Variants in LINGO1 observed in about 807,000 individuals in gnomAD.
LINGO1 encodes the protein leucine rich repeat and Ig domain containing 1, also known as leucine-rich repeat and immunoglobulin-like domain-containing nogo receptor-interacting protein 1.
A neutral mutation model predicts 37.3 loss-of-function variants in LINGO1; 11 were observed. The observed-to-expected ratio is 0.29, with a 90% CI of 0.19 to 0.49. The LOEUF is 0.49. LINGO1 is among the 20% of genes least tolerant of loss of function. The pLI is 0.99. For synonymous variants in LINGO1, 387 were observed against 403.0 expected, an observed-to-expected ratio of 0.96 and a Z score of 0.48; for missense variants, 585 against 878.2, an observed-to-expected ratio of 0.67 and a Z score of 4.22.
chr15:77,665,049 C>T (rs2075100697), intron 3 of LINGO1, among the ~76,000 whole-genome samples: 1 of 152,196 alleles, frequency 6.6e-6, no homozygotes, highest in Non-Finnish European at 1.5e-5. Flanking sequence ...TATACAGGTC[C>T]CTGCCTGTGC....
intron 3 of LINGO1, among the ~76,000 whole-genome samples, chr15:77,650,157 A>G (rs1490655807): frequency 6.6e-6 from 1 of 152,248 alleles, no homozygotes; most frequent in Non-Finnish European, 1.5e-5. Context: ...TTGCCAATTA[A>G]CAGGCACTGG....
At chr15:77,735,447 A>C (rs1480893514) in intron 1 of LINGO1, among the ~76,000 whole-genome samples, 5 of 152,166 alleles carry the variant, frequency 3.3e-5, no homozygotes, top group Non-Finnish European at 7.4e-5. Context: ...TCCTGAGGCC[A>C]CGTGTGGCTT....
At chr15:77,741,025 C>T (rs2076258751) in intron 1 of LINGO1, among the ~76,000 whole-genome samples, 1 of 152,186 alleles carries the variant, frequency 6.6e-6, no homozygotes, top group African/African-American at 2.4e-5. Context: ...CCCAAAAGAG[C>T]TCACACACCA....
Position 77,628,029 on chromosome 15 carries a change from C to G in LINGO1, c.6+4281G>C, listed in dbSNP as rs531503403. On this transcript the variant is annotated intron_variant, in intron 1 of 1. Transcript: ENST00000355300. ...CATGAAATACCATCTTACATTCATT[C>G]AATCAGTAAAAATCAAGGCCCCTGA... 5.3e-5 allele frequency among the ~76,000 whole-genome samples: 8 copies of G among 152,316 alleles called. No individual in the cohort carries two copies. In the South Asian group the frequency reaches 1.2e-3, roughly 24 times the overall value.
At chr15:77,710,861 G>A (rs1472876439) in intron 2 of LINGO1, among the ~76,000 whole-genome samples, 2 of 152,246 alleles carry the variant, frequency 1.3e-5, no homozygotes, top group Non-Finnish European at 2.9e-5. Context: ...AGCTTTGATG[G>A]TGCCAGGCCA....
At chr15:77,644,893 A>G (rs889392226) in intron 3 of LINGO1, among the ~76,000 whole-genome samples, 6 of 152,104 alleles carry the variant, frequency 3.9e-5, no homozygotes, top group Admixed American at 1.3e-4. Context: ...GGGATAAACA[A>G]TGTGGCTCAG....
intron 2 of LINGO1, among the ~76,000 whole-genome samples, chr15:77,729,490 G>A (rs1339754117): frequency 6.6e-6 from 1 of 152,214 alleles, no homozygotes; most frequent in East Asian, 1.9e-4. Flanking sequence ...CTGGGAGCTG[G>A]TGGAGGGAGA....
intron 1 of LINGO1, among the ~76,000 whole-genome samples, chr15:77,742,537 C>T (rs192854349): frequency 6.6e-6 from 1 of 152,216 alleles, no homozygotes; most frequent in Admixed American, 6.5e-5. Flanking sequence ...TAATTTGAAC[C>T]CAGATCTGGG....
At chr15:77,700,443 A>G (rs1224699317), upstream of LINGO1, among the ~76,000 whole-genome samples, 1 of 152,098 alleles carries the variant, frequency 6.6e-6, no homozygotes, top group Non-Finnish European at 1.5e-5. Flanking sequence ...TCTTACTACT[A>G]CCACTACTAA....
At chr15:77,782,544 C>T (rs2076730427) in intron 1 of LINGO1, among the ~76,000 whole-genome samples, 1 of 152,194 alleles carries the variant, frequency 6.6e-6, no homozygotes. Flanking sequence ...GCTTGGCTTA[C>T]TGGCTCCTCA....
chr15:77,776,496 G>GGGAGGAAA (rs1953552461), intron 1 of LINGO1, among the ~76,000 whole-genome samples: 3 of 85,582 alleles, frequency 3.5e-5, no homozygotes, highest in African/African-American at 1.6e-4. Context: ...AAAGCAGGAA[G>GGGAGGAAA]GCAGGAAGGC....
At chr15:77,661,983 C>G (rs149905704) in intron 3 of LINGO1, among the ~76,000 whole-genome samples, 3 of 152,166 alleles carry the variant, frequency 2.0e-5, no homozygotes, top group African/African-American at 7.2e-5. Flanking sequence ...CCACCCTGCC[C>G]GACTCCCCTC....
intron 1 of LINGO1, among the ~76,000 whole-genome samples, chr15:77,805,691 T>C (rs1201070606): frequency 6.6e-6 from 1 of 151,994 alleles, no homozygotes; most frequent in Non-Finnish European, 1.5e-5. Flanking sequence ...TACCACCCCA[T>C]ATTGCATCAC....
chr15:77,819,135 C>A (rs992024623), intron 1 of LINGO1: 4 of 150,512 alleles, frequency 2.7e-5, no homozygotes, highest in African/African-American at 9.7e-5. Flanking sequence ...CACCCCACCC[C>A]CGCCGCTGCC....
At chr15:77,789,472 T>C (rs1217452710), upstream of LINGO1, among the ~76,000 whole-genome samples, 1 of 152,084 alleles carries the variant, frequency 6.6e-6, no homozygotes, top group Non-Finnish European at 1.5e-5. Flanking sequence ...CCGGGTGTGG[T>C]GGCGCATGCC....
chr15:77,715,768 G>T (rs2075976272), intron 2 of LINGO1, among the ~76,000 whole-genome samples: 1 of 152,198 alleles, frequency 6.6e-6, no homozygotes, highest in South Asian at 2.1e-4. Context: ...TATCCTTTCT[G>T]CCTGTCCCCA....
At chr15:77,705,382 C>T (rs766543483) in intron 2 of LINGO1, among the ~76,000 whole-genome samples, 1 of 152,158 alleles carries the variant, frequency 6.6e-6, no homozygotes, top group African/African-American at 2.4e-5. Context: ...CACTCGTTCC[C>T]GGGGCTCACT....
rs2074890650 is a variant in LINGO1 at position 77,657,509 on chromosome 15, A to C, written c.-13+19580T>G. ...CACTCCATTTCCAACTCTTCTCCCC[A>C]GACATTCCCATGACTATCAGAATCA... On this transcript the variant is annotated intron_variant, in intron 3 of 3. Coordinates refer to the LINGO1 transcript ENST00000559893. Among the ~76,000 whole-genome samples, 3 of 152,180 alleles carry C rather than the reference A, an allele frequency of 2.0e-5. No homozygotes were observed. The South Asian group carries it at 6.2e-4, about 32-fold the overall frequency.
chr15:77,814,437 G>A (rs911366328), intron 1 of LINGO1, among the ~76,000 whole-genome samples: 5 of 152,166 alleles, frequency 3.3e-5, no homozygotes, highest in Admixed American at 2.0e-4. Context: ...AAATTATAAA[G>A]CAGATTTTGC....
Sources: allele counts gnomAD v4.1 joint callset (sites outside exome capture counted in the v4.1 genomes callset), GRCh38; gene constraint gnomAD v4.1.1; transcripts MANE v1.5; gene names NCBI Gene and HGNC (gene_info 2026-07-23, HGNC 2026-07-21).